Variants in SV2C observed in about 807,000 individuals in gnomAD.
SV2C encodes solute carrier family 22 member B3.
A neutral mutation model predicts 79.7 loss-of-function variants in SV2C; 49 were observed. The ratio of observed to expected loss-of-function variants is 0.61; its 90% CI spans 0.49 to 0.78. The LOEUF is 0.78. SV2C is among the 30% of genes least tolerant of loss of function. The pLI is 0.00. For missense variants in SV2C, 833 were observed against 912.9 expected, an observed-to-expected ratio of 0.91 and a Z score of 1.13; for synonymous variants, 334 against 333.2, an observed-to-expected ratio of 1.00 and a Z score of -0.03.
At chr5:75,889,987 A>C in the SV2C span, among the ~76,000 whole-genome samples, 2 of 152,126 alleles carry the variant, frequency 1.3e-5, no homozygotes, top group African/African-American at 4.8e-5. Context: ...TGAAGAAAGA[A>C]AGGCCAAGGA....
the SV2C span, among the ~76,000 whole-genome samples, chr5:75,914,335 C>T: frequency 6.6e-6 from 1 of 152,098 alleles, no homozygotes; most frequent in Admixed American, 6.5e-5. Context: ...CTTTTTCATA[C>T]CCATATTTTG....
At chr5:76,137,777 T>C (rs1749117476) in intron 2 of SV2C, among the ~76,000 whole-genome samples, 1 of 152,190 alleles carries the variant, frequency 6.6e-6, no homozygotes, top group Non-Finnish European at 1.5e-5. Context: ...TGTGCTTCTC[T>C]AGACATGCCA....
At chr5:76,008,235 G>C in the SV2C span, among the ~76,000 whole-genome samples, 1 of 152,158 alleles carries the variant, frequency 6.6e-6, no homozygotes. Flanking sequence ...CATAAAGACA[G>C]CTAAGGATGA....
Position 76,101,027 on chromosome 5 carries a change from A to G in SV2C, c.-102+17515A>G, listed in dbSNP as rs114490289. On this transcript the variant is annotated intron_variant, in intron 1 of 12. Coordinates refer to ENST00000502798, the MANE Select transcript of SV2C (RefSeq NM_014979.4). The stretch of plus-strand genomic sequence containing the variant: ...ACTGATTTAGAAAATGGCTTTTGAC[A>G]TTCTCCCTAAAGTGCAGTAAGTTTT... 8.2e-3 allele frequency among the ~76,000 whole-genome samples: 1,252 copies of G among 152,318 alleles called. 26 individuals are homozygous for G. Among genetic ancestry groups the G allele is most frequent in the African/African-American group, 0.029 (1,210 of 41,560 alleles).
chr5:75,998,931 C>T, the SV2C span, among the ~76,000 whole-genome samples: 1 of 151,730 alleles, frequency 6.6e-6, no homozygotes, highest in African/African-American at 2.4e-5. Flanking sequence ...AAAGACATAC[C>T]CAAGACTGAT....
the SV2C span, among the ~76,000 whole-genome samples, chr5:75,863,677 C>G: frequency 0.012 from 1,768 of 152,214 alleles, 30 homozygotes; most frequent in African/African-American, 0.04. Context: ...TTTTACTCAA[C>G]TATTTGGTTC....
chr5:76,002,950 T>C, the SV2C span, among the ~76,000 whole-genome samples: 9 of 152,084 alleles, frequency 5.9e-5, no homozygotes, highest in Admixed American at 2.6e-4. Context: ...TCATCTTGAG[T>C]TGTAGTTCCA....
At chr5:76,236,187 C>A (rs58329367) in intron 4 of SV2C, among the ~76,000 whole-genome samples, 17,886 of 152,106 alleles carry the variant, frequency 0.12, 3,059 homozygotes, top group African/African-American at 0.38. Context: ...ATGGATAGCA[C>A]GTAAAAGTTA....
At chr5:76,276,169 A>G (rs1022532693) in intron 4 of SV2C, among the ~76,000 whole-genome samples, 8 of 152,206 alleles carry the variant, frequency 5.3e-5, no homozygotes, top group African/African-American at 1.7e-4. Flanking sequence ...TGGAGCTCAA[A>G]AGCAGGTCCT....
chr5:76,061,289 A>AAAAAAAAAAAAAAAC, the SV2C span, among the ~76,000 whole-genome samples: 1 of 151,040 alleles, frequency 6.6e-6, no homozygotes, highest in Non-Finnish European at 1.5e-5. Flanking sequence ...AAAAAAAAAA[A>AAAAAAAAAAAAAAAC]AAAAGCAATA....
chr5:75,939,435 G>T, the SV2C span, among the ~76,000 whole-genome samples: 1 of 152,002 alleles, frequency 6.6e-6, no homozygotes, highest in Non-Finnish European at 1.5e-5. Context: ...TCAGACCAGG[G>T]CCCCATCCTT....
At chr5:75,960,529 C>A in the SV2C span, among the ~76,000 whole-genome samples, 2 of 151,934 alleles carry the variant, frequency 1.3e-5, no homozygotes, top group African/African-American at 4.8e-5. Flanking sequence ...TATACAGTAA[C>A]CTAATGTACA....
At chr5:75,963,273 T>G in the SV2C span, among the ~76,000 whole-genome samples, 1 of 152,172 alleles carries the variant, frequency 6.6e-6, no homozygotes, top group Non-Finnish European at 1.5e-5. Context: ...TCCTGTATGC[T>G]TCTTTTATTT....
chr5:76,325,371 G>A lies in SV2C; in HGVS notation c.2008G>A (p.Gly670Ser), dbSNP rs1748962715. Reference sequence around the variant, plus strand: ...TGTCTCTTTCCTTTGCAGGGCAACAGGCTTTGGCTTCTTAAATGCGCTATG... The same window carrying A: ...TGTCTCTTTCCTTTGCAGGGCAACAAGCTTTGGCTTCTTAAATGCGCTATG... Reference protein sequence around the residue: ...ELYPTDRRATGFGFLNALCKA... With the variant: ...ELYPTDRRATSFGFLNALCKA... Residue 670 changes from glycine to serine, a missense_variant, in exon 13 of 13, where the codon GGC becomes AGC. By Grantham distance (56) the Gly-to-Ser change is moderately conservative. Coordinates refer to ENST00000502798, the MANE Select transcript of SV2C (RefSeq NM_014979.4). The A allele has an allele frequency of 1.2e-6, 2 of 1,614,154 alleles. No homozygotes were observed. Among genetic ancestry groups the A allele is most frequent in the Non-Finnish European group, 1.7e-6 (2 of 1,180,018 alleles).
chr5:76,287,812 CGTG>C (rs1282358749), intron 6 of SV2C, among the ~76,000 whole-genome samples: 1 of 152,162 alleles, frequency 6.6e-6, no homozygotes, highest in African/African-American at 2.4e-5. Context: ...AATGGCCAGG[CGTG>C]GTGACTCACA....
chr5:76,191,784 A>T (rs1185063787), intron 2 of SV2C, among the ~76,000 whole-genome samples: 3 of 152,256 alleles, frequency 2.0e-5, no homozygotes, highest in Non-Finnish European at 2.9e-5. Flanking sequence ...CCTTCACCAG[A>T]ACTATGGTAG....
intron 4 of SV2C, among the ~76,000 whole-genome samples, chr5:76,244,964 C>A (rs1745899777): frequency 6.6e-6 from 1 of 152,144 alleles, no homozygotes; most frequent in Admixed American, 6.5e-5. Context: ...TGAATACTGC[C>A]TTTGTACACA....
the SV2C span, among the ~76,000 whole-genome samples, chr5:75,875,819 A>T: frequency 4.2e-5 from 6 of 142,054 alleles, no homozygotes; most frequent in South Asian, 2.1e-4. Context: ...AGCATATATA[A>T]AAAAAAGCTC....
chr5:75,863,347 A>G, the SV2C span, among the ~76,000 whole-genome samples: 1 of 152,212 alleles, frequency 6.6e-6, no homozygotes, highest in Non-Finnish European at 1.5e-5. Flanking sequence ...AAAACTAAAG[A>G]AGATCCATTG....
Sources: gnomAD v4.1 joint callset for allele counts (sites outside exome capture counted in the v4.1 genomes callset) on GRCh38, gnomAD v4.1.1 for gene constraint, MANE v1.5 for transcripts, NCBI Gene and HGNC (gene_info 2026-07-23, HGNC 2026-07-21) for gene names.